The following NID2 variants were observed in gnomAD, a reference collection of about 807,000 sequenced individuals.
The protein encoded by NID2 is nidogen-2.
Under a neutral mutation model 145.4 loss-of-function variants are expected in NID2, and 83 were observed. The observed-to-expected ratio is 0.57, with a 90% CI of 0.48 to 0.69. NID2 has a LOEUF of 0.69. Among genes scored for constraint, NID2 ranks in the 30% least tolerant of loss-of-function variants. NID2 has a pLI of 0.00. For missense variants in NID2, 1,807 were observed against 1,765.7 expected (o/e 1.02, Z -0.42); for synonymous variants, 739 against 701.3 (o/e 1.05, Z -0.85).
intron 8 of NID2, among the ~76,000 whole-genome samples, chr14:52,040,265 T>TA (rs1566762306): frequency 1.5e-4 from 23 of 151,418 alleles, no homozygotes. Flanking sequence ...TTTTTTTTTT[T>TA]AAAGCAGCCT....
intron 18 of NID2, chr14:52,010,550 C>A: frequency 5.3e-6 from 1 of 188,022 alleles, no homozygotes; most frequent in Admixed American, 5.4e-5. Flanking sequence ...GTTTAAGTGT[C>A]AGCTGAGGCC....
At chr14:52,028,648 A>C in intron 11 of NID2, 74 bp downstream of exon 11, 1 of 1,523,648 alleles carries the variant, frequency 6.6e-7, no homozygotes, top group South Asian at 1.3e-5. Flanking sequence ...GCAGAAGTCA[A>C]AACACTGACA....
Position 52,028,868 on chromosome 14 carries a change from G to A in NID2, c.2402-18C>T, listed in dbSNP as rs751813867. On this transcript the variant is annotated intron_variant, in intron 10 of 21. Transcript: ENST00000216286. Reference sequence around the variant, plus strand: ...ATTTTCATCTAAGAAGAAATGAGAAGAGAAAAATTCTGCTTAATTCAAGGG... The same window carrying A: ...ATTTTCATCTAAGAAGAAATGAGAAAAGAAAAATTCTGCTTAATTCAAGGG... 1.2e-5 allele frequency: 19 copies of A among 1,612,176 alleles called. No homozygotes were observed. The Admixed American group carries it at 1.8e-4, about 16-fold the overall frequency.
At position 52,054,197 on chromosome 14, in the gene NID2, G is replaced by A. The variant is rs147980330; in HGVS notation, c.892C>T (p.Arg298Cys). 2.3e-4 allele frequency: 374 copies of A among 1,614,014 alleles called. No individual in the cohort carries two copies. Among genetic ancestry groups the A allele is most frequent in the Non-Finnish European group, 2.9e-4 (345 of 1,180,014 alleles). The change falls in exon 4 of 22, where the codon CGT becomes TGT. Residue 298 changes from arginine (R) to cysteine (C), a missense_variant. Transcript: ENST00000216286. ...SAAHSSVPLGRSFSHATALES... is the reference protein window; with the variant it reads ...SAAHSSVPLGCSFSHATALES... Reference sequence around the variant, plus strand: ...AGGGCTGTAGCATGGCTGAAGGAACGTCCCAGGGGAACAGAAGAGTGGGCA... The same window carrying A: ...AGGGCTGTAGCATGGCTGAAGGAACATCCCAGGGGAACAGAAGAGTGGGCA...
Position 52,067,999 on chromosome 14 carries a change from T to C in NID2, c.393A>G (p.Ala131=), listed in dbSNP as rs200392968. Residue 131 remains alanine, a synonymous_variant, in exon 2 of 22, where the codon GCA becomes GCG. Transcript: ENST00000216286. ...RVLYREDTSP[A]VLGLAARYVR... ...CATAGCGGGCGGCCAGGCCCAGCAC[T>C]GCGGGGGAGGTGTCCTCTCGGTACA... 1.1e-5 allele frequency: 17 copies of C among 1,612,016 alleles called. No homozygotes were observed. The highest frequency in any genetic ancestry group is 2.2e-5 in the East Asian group (1 of 44,836).
Position 52,038,731 on chromosome 14 carries a change from A to T in NID2, c.2257+16T>A, listed in dbSNP as rs1380211088. 2 of 1,535,274 alleles carry T rather than the reference A, an allele frequency of 1.3e-6. No individual in the cohort carries two copies. The highest frequency in any genetic ancestry group is 1.8e-6 in the Non-Finnish European group (2 of 1,142,382). ...AGGATGTCATTTTTACCCAACAACA[A>T]AAAAGGAAACCTTACCTTTGACCGG... On this transcript the variant is annotated intron_variant, in intron 9 of 21. Transcript: ENST00000216286.
chr14:52,035,854 G>GTATATATATATATATATATA (rs1222696644), intron 9 of NID2, among the ~76,000 whole-genome samples: 1 of 36,074 alleles, frequency 2.8e-5, no homozygotes, highest in Non-Finnish European at 5.9e-5. Flanking sequence ...AAATTTTTTT[G>GTATATATATATATATATATA]TGTATATATA....
chr14:52,016,513 C>T (rs115216106), intron 14 of NID2, among the ~76,000 whole-genome samples: 1 of 152,312 alleles, frequency 6.6e-6, no homozygotes, highest in African/African-American at 2.4e-5. Flanking sequence ...CCTCCTTTCT[C>T]TCACCATCCA....
At chr14:52,065,753 T>C (rs1219342022) in intron 2 of NID2, among the ~76,000 whole-genome samples, 2 of 114,668 alleles carry the variant, frequency 1.7e-5, no homozygotes, top group Non-Finnish European at 3.3e-5. Flanking sequence ...GAATATGCAG[T>C]GTTTGGTTTT....
intron 9 of NID2, among the ~76,000 whole-genome samples, chr14:52,030,565 AAAG>A (rs1891795029): frequency 2.0e-5 from 1 of 48,934 alleles, no homozygotes; most frequent in South Asian, 8.9e-4. Context: ...AGAAAGAAAG[AAAG>A]GAAGGAAGGG....
chr14:52,006,908 G>C (rs1276531186), intron 19 of NID2: 2 of 321,934 alleles, frequency 6.2e-6, no homozygotes, highest in African/African-American at 4.2e-5. Context: ...TTCTGCCAAA[G>C]TAGGGCATTA....
chr14:52,043,020 C>T (rs1323584368), intron 5 of NID2, 89 bp from the exon 6 acceptor site: 1 of 1,249,800 alleles, frequency 8.0e-7, no homozygotes, highest in African/African-American at 1.5e-5. Context: ...TCCATAGAAG[C>T]AGTTTAGATC....
rs142814187 is a variant in NID2 at position 52,019,197 on chromosome 14, G to A, written c.2892C>T (p.Asp964=). 35 of 1,613,990 alleles carry A rather than the reference G, an allele frequency of 2.2e-5. No individual in the cohort carries two copies. The highest frequency in any genetic ancestry group is 1.5e-4 in the Admixed American group (9 of 60,032). The stretch of plus-strand genomic sequence containing the variant: ...GTAGGGGCAGGAAGTTGCCCTGCTC[G>A]TCGCATTGGGGGATGTGGAACCGGG... ...PGARFHIPQC[D]EQGNFLPLQC... is the part of the protein sequence containing the mutation. Residue 964 remains aspartate (D), a synonymous_variant, in exon 14 of 22, where the codon GAC becomes GAT. Transcript: ENST00000216286.
At chr14:52,019,670 G>C (rs1162460773) in intron 13 of NID2, among the ~76,000 whole-genome samples, 2 of 152,128 alleles carry the variant, frequency 1.3e-5, no homozygotes, top group Admixed American at 1.3e-4. Flanking sequence ...CCACTCACGA[G>C]ACTGCACCAA....
In NID2 at chr14:52,060,128, A is replaced by G. The variant is rs1451031639; in HGVS notation, c.763T>C (p.Tyr255His). ...CTTCAGCTCAATGTTACTTACTGAT[A>G]GAGATTTTTCACAGACTGTTCAGTG... is the stretch of plus-strand genomic sequence containing the variant. ...TSTEQSVKNL[Y>H]QLSNLGIPGV... Residue 255 changes from tyrosine (Y) to histidine (H), a missense_variant, in exon 3 of 22, where the codon TAT becomes CAT. Transcript: ENST00000216286. 2 of 1,596,372 alleles carry G rather than the reference A, an allele frequency of 1.3e-6. No individual in the cohort carries two copies. The highest frequency in any genetic ancestry group is 8.6e-7 in the Non-Finnish European group (1 of 1,165,934).
Position 52,005,839 on chromosome 14 carries a change from C to G in NID2, c.4015G>C (p.Val1339Leu). 6.2e-7 allele frequency: 1 copy of G among 1,607,352 alleles called. No individual in the cohort carries two copies. The highest frequency in any genetic ancestry group is 8.5e-7 in the Non-Finnish European group (1 of 1,173,890). The change falls in exon 21 of 22, where the codon GTA (valine) becomes CTA (leucine). Residue 1339 changes from valine to leucine, a missense_variant. By Grantham distance (32) the Val-to-Leu change is conservative. Transcript: ENST00000216286. ...TGGCCACTATGTTTATTTACTGATA[C>G]AACACCATCCCTGGTAACAGAAAGG... ...YHTDWRRDGV[V>L]SVNKHSGQFT...
At chr14:52,055,157 G>A (rs192320132) in intron 3 of NID2, among the ~76,000 whole-genome samples, 3 of 152,106 alleles carry the variant, frequency 2.0e-5, no homozygotes, top group African/African-American at 7.2e-5. Flanking sequence ...TTTTATAGAG[G>A]GGAAAATAGG....
chr14:52,046,844 CTG>C (rs1450611048), intron 5 of NID2, among the ~76,000 whole-genome samples: 1 of 152,180 alleles, frequency 6.6e-6, no homozygotes, highest in Admixed American at 6.5e-5. Context: ...AGAACACACA[CTG>C]TCTCTTTCAG....
intron 2 of NID2, among the ~76,000 whole-genome samples, chr14:52,063,849 C>G (rs1369464112): frequency 6.6e-6 from 1 of 152,192 alleles, no homozygotes; most frequent in Non-Finnish European, 1.5e-5. Flanking sequence ...ATTTATTTTA[C>G]TGCACTAAAT....
Sources: allele counts gnomAD v4.1 joint callset (sites outside exome capture counted in the v4.1 genomes callset), GRCh38; gene constraint gnomAD v4.1.1; transcripts MANE v1.5; gene names NCBI Gene and HGNC (gene_info 2026-07-23, HGNC 2026-07-21).